The following CD63 variants were observed in gnomAD, a reference collection of about 807,000 sequenced individuals.
CD63 encodes CD63 antigen.
A neutral mutation model predicts 29.2 loss-of-function variants in CD63; 16 were observed. That is an observed-to-expected ratio of 0.55 (90% CI 0.37 to 0.83). The LOEUF (loss-of-function observed/expected upper bound fraction) is 0.83, where lower values mean the gene tolerates loss of function less well. CD63 is among the 40% of genes least tolerant of loss of function. The pLI is 0.00. For synonymous variants in CD63, 118 were observed against 111.7 expected (o/e 1.06, Z -0.36); for missense variants, 251 against 297.3 (o/e 0.84, Z 1.15).
At chr12:55,727,130 T>C (rs2136151373) in intron 3 of CD63, 21 bp downstream of exon 3, 1 of 1,607,434 alleles carries the variant, frequency 6.2e-7, no homozygotes, top group East Asian at 2.2e-5. Context: ...ACCGCCCATG[T>C]TGGTCCCGCC....
intron 5 of CD63, 73 bp from the exon 6 acceptor site, chr12:55,726,334 CTT>C (rs777731653): frequency 0.066 from 17,698 of 266,238 alleles, no homozygotes; most frequent in South Asian, 0.08. Context: ...GATGAGAATT[CTT>C]TTTTTTTTTT....
In CD63 at chr12:55,726,922, C is replaced by T. The variant is rs756637406; in HGVS notation, c.298G>A (p.Ala100Thr). The change falls in exon 4 of 8, where the codon GCA becomes ACA. Residue 100 changes from alanine (A) to threonine (T), a missense_variant. Ala to Thr is a moderately conservative substitution (Grantham distance 58). Transcript: ENST00000257857. ...CTAAACACATAGCCAGCAATGGCTG[C>T]GGCCACCTCCACCAACATGATAAGA... ...LSLIMLVEVA[A>T]AIAGYVFRDK... The T allele has an allele frequency of 4.3e-5, 70 of 1,613,866 alleles. No homozygotes were observed. The highest frequency in any genetic ancestry group is 5.3e-5 in the Non-Finnish European group (63 of 1,179,890).
chr12:55,725,703 AAC>A, intron 7 of CD63, 77 bp from the exon 8 acceptor site: 3 of 1,519,956 alleles, frequency 2.0e-6, no homozygotes, highest in African/African-American at 1.4e-5. Context: ...AGAGACTCCA[AAC>A]ACACACTCCC....
At position 55,728,879 on chromosome 12, in the gene CD63, G is replaced by A. The variant is rs377370653; in HGVS notation, c.-12+74C>T. ...GGACGAGTCTCCGCGGGCCTGGGGC[G>A]AGCCCTGGAGGAAGGGACTGCGGGT... is the stretch of plus-strand genomic sequence containing the variant. On this transcript the variant is annotated intron_variant, in intron 1 of 7. Transcript: ENST00000257857. The surrounding 1 kb of genome is among the most constrained non-coding windows in gnomAD (Gnocchi z 4.8). 2.5e-5 allele frequency: 25 copies of A among 988,114 alleles called. No homozygotes were observed. In the East Asian group the frequency reaches 1.5e-3, roughly 58 times the overall value. The allele number at this position is 988,114 out of a possible 1,614,324, so 61.2% of individuals were successfully genotyped here.
Position 55,728,245 on chromosome 12 carries a change from G to A in CD63, c.66+31C>T, listed in dbSNP as rs748045438. On this transcript the variant is annotated intron_variant, in intron 2 of 7. Transcript: ENST00000257857. The surrounding 1 kb of genome is among the most constrained non-coding windows in gnomAD (Gnocchi z 4.8). The stretch of plus-strand genomic sequence containing the variant: ...GAGCCAGGTCTCCCCGCACCCTGCC[G>A]GCGCGCCCCCCAGGACCCCTCGCCA... The A allele has an allele frequency of 3.2e-6, 5 of 1,585,392 alleles. No individual in the cohort carries two copies. Among genetic ancestry groups the A allele is most frequent in the South Asian group, 1.1e-5 (1 of 88,158 alleles).
In CD63 at chr12:55,726,334, CTTTTTTT is replaced by C. The variant is rs777731653; in HGVS notation, c.427-80_427-74del. On this transcript the variant is annotated intron_variant, in intron 5 of 7. Transcript: ENST00000257857. ...CACCTTCAATATGGAGATGAGAATT[CTTTTTTT>C]TTTTTTTTTTTTTTTTTTGAGACAG... 1.9e-3 allele frequency: 549 copies of C among 287,924 alleles called. 1 individual carries two copies. The highest frequency in any genetic ancestry group is 0.018 in the East Asian group (239 of 12,984). 17.8% of individuals were successfully genotyped at this position (287,924 alleles called of 1,614,324 possible).
downstream of CD63, chr12:55,724,204 C>T: frequency 7.0e-7 from 1 of 1,433,210 alleles, no homozygotes; most frequent in Non-Finnish European, 9.7e-7. Context: ...TGGAACCTGC[C>T]CACTCCCCAC....
At chr12:55,726,303 AACCTTC>A (rs1180891375) in intron 5 of CD63, 42 bp from the exon 6 acceptor site, 14 of 1,384,868 alleles carry the variant, frequency 1.0e-5, no homozygotes, top group Admixed American at 1.8e-5. Flanking sequence ...TTGTTAAGTG[AACCTTC>A]ACCTTCAATA....
At chr12:55,724,779 A>C, downstream of CD63, 1 of 589,956 alleles carries the variant, frequency 1.7e-6, no homozygotes, top group Non-Finnish European at 3.0e-6. Flanking sequence ...GTCCCTGCAA[A>C]ACAGCTAGCA....
downstream of CD63, chr12:55,724,233 G>A (rs1877084724): frequency 2.6e-6 from 4 of 1,518,374 alleles, no homozygotes; most frequent in African/African-American, 2.7e-5. Context: ...GGGGACTGAG[G>A]GTGACAAGCC....
chr12:55,728,832 T>C lies in CD63; in HGVS notation c.-12+121A>G. On this transcript the variant is annotated intron_variant, in intron 1 of 7. Coordinates refer to ENST00000257857, the MANE Select transcript of CD63 (RefSeq NM_001780.6). The surrounding 1 kb of genome is among the most constrained non-coding windows in gnomAD (Gnocchi z 4.8). The stretch of plus-strand genomic sequence containing the variant: ...CCAGGGAACTTCGAAGCAAAGTTGC[T>C]CCAGGGCGGCTGGAGAGCGCCGGAC... The C allele has an allele frequency of 3.0e-6, 3 of 988,602 alleles. No individual in the cohort carries two copies. The highest frequency in any genetic ancestry group is 3.6e-6 in the Non-Finnish European group (3 of 832,914). The allele number at this position is 988,602 out of a possible 1,614,324, so 61.2% of individuals were successfully genotyped here. A position where few individuals can be genotyped will look rare whatever the true frequency, so the allele number is the denominator to read the frequency against.
upstream of CD63, chr12:55,729,035 G>A (rs1420442399): frequency 4.1e-6 from 4 of 985,140 alleles, no homozygotes; most frequent in Middle Eastern, 5.2e-4. Context: ...CTCCCGCCCC[G>A]CCTGCCGCGC....
chr12:55,728,841 G>C lies in CD63; in HGVS notation c.-12+112C>G. 6.1e-6 allele frequency: 6 copies of C among 990,526 alleles called. No homozygotes were observed. Among genetic ancestry groups the C allele is most frequent in the Non-Finnish European group, 7.2e-6 (6 of 833,026 alleles). 61.4% of individuals were successfully genotyped at this position (990,526 alleles called of 1,614,324 possible). A position where few individuals can be genotyped will look rare whatever the true frequency, so the allele number is the denominator to read the frequency against. The stretch of plus-strand genomic sequence containing the variant: ...TTCGAAGCAAAGTTGCTCCAGGGCG[G>C]CTGGAGAGCGCCGGACGAGTCTCCG... On this transcript the variant is annotated intron_variant, in intron 1 of 7. Transcript: ENST00000257857. This position sits in a 1 kb window ranked among gnomAD's most constrained non-coding sequence, Gnocchi z 4.8.
At chr12:55,723,825 C>T, downstream of CD63, 1 of 1,588,160 alleles carries the variant, frequency 6.3e-7, no homozygotes, top group Non-Finnish European at 8.6e-7. Context: ...CAACCCATGT[C>T]CCTCAAAGTC....
intron 5 of CD63, 104 bp downstream of exon 5, chr12:55,726,596 C>T (rs1016652661): frequency 3.3e-6 from 3 of 899,400 alleles, no homozygotes; most frequent in South Asian, 1.4e-5. Context: ...CTGCCCACCT[C>T]GGCCTTCAAA....
chr12:55,723,558 T>A, downstream of CD63: 2 of 327,678 alleles, frequency 6.1e-6, no homozygotes, highest in East Asian at 8.3e-5. Context: ...TGGTTTTTTT[T>A]ATTTTTAAAT....
downstream of CD63, chr12:55,723,860 G>GCAA (rs1565655531): frequency 2.5e-6 from 4 of 1,611,506 alleles, no homozygotes; most frequent in Non-Finnish European, 3.4e-6. Flanking sequence ...CAAGAACCCA[G>GCAA]CAACTTCGCT....
At position 55,728,543 on chromosome 12, in the gene CD63, C is replaced by G; in HGVS notation, c.-11-191G>C. Reference sequence around the variant, plus strand: ...GCAGGAGAGGGGTGGGGGCGACGGCCGCGAAGCCCGGACCCCGCCCCGCCG... The same window carrying G: ...GCAGGAGAGGGGTGGGGGCGACGGCGGCGAAGCCCGGACCCCGCCCCGCCG... On this transcript the variant is annotated intron_variant, in intron 1 of 7. Transcript: ENST00000257857. This position sits in a 1 kb window ranked among gnomAD's most constrained non-coding sequence, Gnocchi z 4.8. 2.8e-6 allele frequency: 4 copies of G among 1,432,004 alleles called. No individual in the cohort carries two copies. The highest frequency in any genetic ancestry group is 3.6e-6 in the Non-Finnish European group (4 of 1,098,148). The allele number at this position is 1,432,004 out of a possible 1,614,324, so 88.7% of individuals were successfully genotyped here.
At position 55,726,167 on chromosome 12, in the gene CD63, G is replaced by A; in HGVS notation, c.521C>T (p.Thr174Ile). Residue 174 changes from threonine (T) to isoleucine (I), a missense_variant, in exon 6 of 8, where the codon ACT becomes ATT. By Grantham distance (89) the Thr-to-Ile change is moderately conservative. Transcript: ENST00000257857. ...GTTGAAATTAATCCCACAGCCCACAGTAACATTAATGCAGCAGGAGTCGGG... is the reference window on the plus strand; with the variant it reads ...GTTGAAATTAATCCCACAGCCCACAATAACATTAATGCAGCAGGAGTCGGG... Reference protein sequence around the residue: ...RVPDSCCINVTVGCGINFNEK... With the variant: ...RVPDSCCINVIVGCGINFNEK... 1.9e-6 allele frequency: 3 copies of A among 1,613,880 alleles called. No individual in the cohort carries two copies. The highest frequency in any genetic ancestry group is 1.1e-5 in the South Asian group (1 of 91,062).
Sources: allele counts gnomAD v4.1 joint callset, GRCh38; gene constraint gnomAD v4.1.1; non-coding constraint Gnocchi (gnomAD v3.1); transcripts MANE v1.5; gene names NCBI Gene and HGNC (gene_info 2026-07-23, HGNC 2026-07-21).